XKR6: variants seen among roughly 807,000 people sequenced by gnomAD.
XKR6 encodes XK related 6.
XKR6 carries 22 observed loss-of-function variants against 56.7 expected under a neutral mutation model. The ratio of observed to expected loss-of-function variants is 0.39; its 90% CI spans 0.28 to 0.55. The LOEUF (loss-of-function observed/expected upper bound fraction) is 0.55. Among genes scored for constraint, XKR6 ranks in the 20% least tolerant of loss-of-function variants. The pLI, the probability that XKR6 is intolerant of heterozygous loss-of-function variation, is 0.66. For missense variants in XKR6, 852 were observed against 889.0 expected (o/e 0.96, Z 0.53); for synonymous variants, 524 against 387.8 (o/e 1.35, Z -4.13).
intron 1 of XKR6, among the ~76,000 whole-genome samples, chr8:11,099,349 T>A (rs548330532): frequency 1.1e-4 from 16 of 152,218 alleles, no homozygotes; most frequent in Admixed American, 2.6e-4. Context: ...AATGGCTGAA[T>A]CTACTAAAAC....
intron 1 of XKR6, among the ~76,000 whole-genome samples, chr8:11,135,801 C>G (rs2116913632): frequency 6.6e-6 from 1 of 151,174 alleles, no homozygotes; most frequent in East Asian, 2.0e-4. Flanking sequence ...AATTCAAGAT[C>G]TAAATAATTA....
At chr8:11,031,949 G>C (rs986304282) in intron 1 of XKR6, among the ~76,000 whole-genome samples, 1 of 152,228 alleles carries the variant, frequency 6.6e-6, no homozygotes, top group Admixed American at 6.5e-5. Context: ...TGCACAGGGA[G>C]ATCCCCCCAG....
At chr8:10,957,688 C>A (rs1801933934) in intron 1 of XKR6, among the ~76,000 whole-genome samples, 2 of 152,146 alleles carry the variant, frequency 1.3e-5, no homozygotes, top group Non-Finnish European at 2.9e-5. Context: ...ATGGCCCCAT[C>A]CCTCCTGGCC....
intron 1 of XKR6, among the ~76,000 whole-genome samples, chr8:11,129,308 T>A (rs1446561708): frequency 6.6e-6 from 1 of 152,226 alleles, no homozygotes. Context: ...CTAATACCCC[T>A]GATGTAAAAA....
intron 1 of XKR6, among the ~76,000 whole-genome samples, chr8:11,080,559 C>G (rs1034851173): frequency 6.7e-6 from 1 of 150,282 alleles, no homozygotes; most frequent in East Asian, 2.0e-4. Flanking sequence ...GTGAGTCTGT[C>G]CCCAGTTCAT....
rs760579845 is a variant in XKR6, at chr8:10,898,508, G to A, written c.1370C>T (p.Thr457Met). 7.4e-6 allele frequency: 12 copies of A among 1,613,936 alleles called. No homozygotes were observed. The highest frequency in any genetic ancestry group is 1.6e-4 in the Middle Eastern group (1 of 6,062). The change falls in exon 3 of 3, where the codon ACG (threonine) becomes ATG (methionine). Residue 457 changes from threonine to methionine, a missense_variant. Around this residue, in one of 4 missense-constraint regions of XKR6, gnomAD observed 197 missense variants for 190.9 expected, o/e 1.03. Coordinates refer to ENST00000416569, the MANE Select transcript of XKR6 (RefSeq NM_173683.4). This position sits in a 1 kb window ranked among gnomAD's most constrained non-coding sequence, Gnocchi z 6.6. ...TIVLTENAAL[T>M]FLWYFYRDPE... ...GTCTCTGTAAAAATACCAAAGGAACGTCAAGGCAGCATTCTCGGTCAAGAC... is the reference window on the plus strand; with the variant it reads ...GTCTCTGTAAAAATACCAAAGGAACATCAAGGCAGCATTCTCGGTCAAGAC...
At chr8:11,122,315 CTA>C (rs1216053178) in intron 1 of XKR6, among the ~76,000 whole-genome samples, 1 of 152,246 alleles carries the variant, frequency 6.6e-6, no homozygotes, top group East Asian at 1.9e-4. Context: ...TGCTACAAAA[CTA>C]TTATTTGTCC....
intron 1 of XKR6, among the ~76,000 whole-genome samples, chr8:10,994,830 C>G (rs1157983865): frequency 6.6e-6 from 1 of 152,158 alleles, no homozygotes; most frequent in Non-Finnish European, 1.5e-5. Flanking sequence ...AATTCCAAAG[C>G]TCATGAGGCC....
chr8:11,042,559 G>C (rs1586468435), intron 1 of XKR6, among the ~76,000 whole-genome samples: 1 of 152,146 alleles, frequency 6.6e-6, no homozygotes, highest in African/African-American at 2.4e-5. Context: ...CAGCCAGGTG[G>C]AACTGTGAGT....
intron 1 of XKR6, among the ~76,000 whole-genome samples, chr8:11,086,652 T>C (rs139122406): frequency 6.6e-6 from 1 of 152,220 alleles, no homozygotes; most frequent in Non-Finnish European, 1.5e-5. Flanking sequence ...TTAAGTGACT[T>C]ACCTCAGCTA....
At position 11,201,206 on chromosome 8, in the gene XKR6, C is replaced by T; in HGVS notation, c.134G>A (p.Gly45Asp). ...CGAGCTGCTCTCGCCGGGCTCGCTGCCGTCGCCGCCGCCGCCGCAGCCGCC... is the reference window on the plus strand; with the variant it reads ...CGAGCTGCTCTCGCCGGGCTCGCTGTCGTCGCCGCCGCCGCCGCAGCCGCC... ...GGGGCGGGGD[G>D]SEPGESSSMH... The change falls in exon 1 of 3, where the codon GGC (glycine) becomes GAC (aspartate). Residue 45 changes from glycine (G) to aspartate (D), a missense_variant. By Grantham distance (94) the Gly-to-Asp change is moderately conservative. Coordinates refer to ENST00000416569, the MANE Select transcript of XKR6 (RefSeq NM_173683.4). The T allele has an allele frequency of 6.5e-7, 1 of 1,531,380 alleles. No homozygotes were observed. The highest frequency in any genetic ancestry group is 8.7e-7 in the Non-Finnish European group (1 of 1,145,796). The allele number at this position is 1,531,380 out of a possible 1,614,324, so 94.9% of individuals were successfully genotyped here.
chr8:10,961,330 AGAG>A (rs1470836800), intron 1 of XKR6, among the ~76,000 whole-genome samples: 1 of 152,194 alleles, frequency 6.6e-6, no homozygotes, highest in Non-Finnish European at 1.5e-5. Context: ...ATTCCAGGCA[AGAG>A]GAGGTGGCGG....
chr8:11,067,360 GC>G (rs940827637), intron 1 of XKR6, among the ~76,000 whole-genome samples: 1 of 152,182 alleles, frequency 6.6e-6, no homozygotes, highest in Non-Finnish European at 1.5e-5. Flanking sequence ...CCTGGGCAGA[GC>G]CCCCCACCCG....
intron 1 of XKR6, among the ~76,000 whole-genome samples, chr8:10,945,754 C>A (rs78273233): frequency 0.024 from 3,728 of 152,226 alleles, 156 homozygotes; most frequent in African/African-American, 0.086. Flanking sequence ...TATTCCAAGC[C>A]CCCAGGGCAA....
intron 1 of XKR6, among the ~76,000 whole-genome samples, chr8:11,144,238 G>T (rs1187449631): frequency 6.6e-6 from 1 of 150,646 alleles, no homozygotes; most frequent in South Asian, 2.1e-4. Context: ...GTGTGTGTGT[G>T]TGTGTGTGTG....
At chr8:10,920,706 G>A (rs528011812) in intron 2 of XKR6, among the ~76,000 whole-genome samples, 1 of 152,372 alleles carries the variant, frequency 6.6e-6, no homozygotes, top group East Asian at 1.9e-4. Context: ...AGAGAGAAAT[G>A]CCAAGCCCCT....
intron 1 of XKR6, among the ~76,000 whole-genome samples, chr8:11,078,105 G>A (rs1010679562): frequency 6.6e-6 from 1 of 152,178 alleles, no homozygotes; most frequent in Non-Finnish European, 1.5e-5. Context: ...AGCCTCTCTT[G>A]GTGCCTGACT....
At chr8:11,105,255 G>C (rs1320835902) in intron 1 of XKR6, 1 of 152,134 alleles carries the variant, frequency 6.6e-6, no homozygotes, top group Non-Finnish European at 1.5e-5. Context: ...GAGAACTCAG[G>C]GTTACAAACT....
intron 1 of XKR6, among the ~76,000 whole-genome samples, chr8:11,193,163 T>C (rs933683387): frequency 6.6e-6 from 1 of 152,204 alleles, no homozygotes; most frequent in Non-Finnish European, 1.5e-5. Context: ...AATACTCTAA[T>C]TTCTTCCTAG....
Sources: allele counts gnomAD v4.1 joint callset (sites outside exome capture counted in the v4.1 genomes callset), GRCh38; gene constraint gnomAD v4.1.1; regional missense constraint gnomAD v4.1.1; non-coding constraint Gnocchi (gnomAD v3.1); transcripts MANE v1.5; gene names NCBI Gene and HGNC (gene_info 2026-07-23, HGNC 2026-07-21).